TRIO: variants seen among roughly 807,000 people sequenced by gnomAD.
TRIO encodes triple functional domain protein.
Under a neutral mutation model 351.9 loss-of-function variants are expected in TRIO, and 58 were observed. The ratio of observed to expected loss-of-function variants is 0.16; its 90% CI spans 0.13 to 0.21. The LOEUF (loss-of-function observed/expected upper bound fraction) is 0.21. Among genes scored for constraint, TRIO ranks in the 10% least tolerant of loss-of-function variants. The probability of loss-of-function intolerance (pLI) is 1.00; values close to 1 mark genes in which losing one functional copy is unlikely to be tolerated. For synonymous variants in TRIO, 1,758 were observed against 1,595.7 expected, an observed-to-expected ratio of 1.10 and a Z score of -2.42; for missense variants, 3,201 against 4,027.8, an observed-to-expected ratio of 0.79 and a Z score of 5.56.
chr5:14,267,987 A>G (rs1315443786), intron 1 of TRIO, among the ~76,000 whole-genome samples: 1 of 152,274 alleles, frequency 6.6e-6, no homozygotes, highest in Non-Finnish European at 1.5e-5. Flanking sequence ...ATTCTGGTCT[A>G]TGCGTGGGCA....
chr5:14,358,120 G>A lies in TRIO; in HGVS notation c.2047-58G>A, dbSNP rs547030712. On this transcript the variant is annotated intron_variant, in intron 11 of 56. Transcript: ENST00000344204. ...CACTGGGGCCCCTTGGACACCGGGC[G>A]GCCCACCTGGTGGTGCAGCCAGGCC... 529 of 1,555,670 alleles carry A rather than the reference G, an allele frequency of 3.4e-4. 5 individuals are homozygous for A. The African/African-American group carries it at 4.1e-3, about 12-fold the overall frequency.
In TRIO at chr5:14,483,503, G is replaced by A. The variant is rs532169725; in HGVS notation, c.6657+730G>A. On this transcript the variant is annotated intron_variant, in intron 46 of 56. Coordinates refer to ENST00000344204, the MANE Select transcript of TRIO (RefSeq NM_007118.4). ...ATCAGGGACAGGGAACTCTCAGACCGTGCACACCTGCGGGCCTCACAGCAC... is the reference window on the plus strand; with the variant it reads ...ATCAGGGACAGGGAACTCTCAGACCATGCACACCTGCGGGCCTCACAGCAC... Among the ~76,000 whole-genome samples the A allele has an allele frequency of 7.8e-4, 119 of 152,282 alleles. 1 individual carries two copies. Among genetic ancestry groups the A allele is most frequent in the African/African-American group, 2.6e-3 (106 of 41,566 alleles).
At chr5:14,374,544 G>T (rs1189508245) in intron 19 of TRIO, among the ~76,000 whole-genome samples, 1 of 152,164 alleles carries the variant, frequency 6.6e-6, no homozygotes, top group African/African-American at 2.4e-5. Flanking sequence ...TATTGAATAG[G>T]TTGATAATTT....
chr5:14,488,680 A>G (rs1242975538), intron 48 of TRIO: 2 of 549,030 alleles, frequency 3.6e-6, no homozygotes, highest in Non-Finnish European at 6.5e-6. Context: ...TTGCTCTTTT[A>G]TGCCTTAAAT....
Position 14,485,231 on chromosome 5 carries a change from C to G in TRIO, c.6820C>G (p.Arg2274Gly). 1 of 1,577,882 alleles carries G rather than the reference C, an allele frequency of 6.3e-7. No individual in the cohort carries two copies. Among genetic ancestry groups the G allele is most frequent in the Non-Finnish European group, 8.7e-7 (1 of 1,154,796 alleles). The change falls in exon 47 of 57, where the codon CGC (arginine) becomes GGC (glycine). Residue 2274 changes from arginine (R) to glycine (G), a missense_variant. By Grantham distance (125) the Arg-to-Gly change is moderately radical. Around this residue, in one of 19 missense-constraint regions of TRIO, gnomAD observed 1,089 missense variants for 954.9 expected, o/e 1.14. Coordinates refer to ENST00000344204, the MANE Select transcript of TRIO (RefSeq NM_007118.4). ...HEINQILENQRNFLNALTSPI... is the reference protein window; with the variant it reads ...HEINQILENQGNFLNALTSPI... Reference sequence around the variant, plus strand: ...AATCAACCAAATTTTAGAAAACCAGCGCAATTTTTTAAATGGTAATGTGTG... The same window carrying G: ...AATCAACCAAATTTTAGAAAACCAGGGCAATTTTTTAAATGGTAATGTGTG...
At chr5:14,404,820 T>G (rs984017449) in intron 31 of TRIO, among the ~76,000 whole-genome samples, 2 of 152,192 alleles carry the variant, frequency 1.3e-5, no homozygotes, top group African/African-American at 4.8e-5. Context: ...TTAAAACGGT[T>G]TCTGTAGAAA....
At chr5:14,374,791 AAAAT>A (rs1374576893) in intron 19 of TRIO, among the ~76,000 whole-genome samples, 1 of 152,146 alleles carries the variant, frequency 6.6e-6, no homozygotes, top group African/African-American at 2.4e-5. Context: ...AACAAATTGA[AAAAT>A]AATAATATAT....
intron 1 of TRIO, among the ~76,000 whole-genome samples, chr5:14,231,567 T>C (rs1793430512): frequency 6.6e-6 from 1 of 152,190 alleles, no homozygotes; most frequent in Non-Finnish European, 1.5e-5. Flanking sequence ...CTTAGCACGT[T>C]CATTGCTAGG....
chr5:14,324,688 A>G (rs902729247), intron 9 of TRIO, among the ~76,000 whole-genome samples: 10 of 152,180 alleles, frequency 6.6e-5, no homozygotes, highest in Non-Finnish European at 1.5e-4. Context: ...CCGAGCCTCA[A>G]TTTCTTGCTT....
chr5:14,507,023 C>G (rs368417044), intron 55 of TRIO, 99 bp from the exon 56 acceptor site: 2 of 1,429,834 alleles, frequency 1.4e-6, no homozygotes, highest in Non-Finnish European at 1.8e-6. Flanking sequence ...ATGACACATT[C>G]ATAACAGGTG....
chr5:14,405,468 G>A (rs1748623812), intron 31 of TRIO, among the ~76,000 whole-genome samples: 1 of 152,188 alleles, frequency 6.6e-6, no homozygotes, highest in Non-Finnish European at 1.5e-5. Flanking sequence ...GTTTCCTGCT[G>A]GCAGTATGCC....
intron 34 of TRIO, among the ~76,000 whole-genome samples, chr5:14,454,190 A>G (rs999581852): frequency 6.6e-6 from 1 of 152,026 alleles, no homozygotes; most frequent in Non-Finnish European, 1.5e-5. Flanking sequence ...CAGCCTCCCA[A>G]AGTGCTGGGA....
At chr5:14,377,863 A>G in intron 19 of TRIO, 149 bp from the exon 20 acceptor site, 2 of 621,238 alleles carry the variant, frequency 3.2e-6, no homozygotes, top group Middle Eastern at 4.3e-4. Flanking sequence ...AGACATGCTC[A>G]CTGAGACAGG....
At chr5:14,168,699 G>A (rs1056505777) in intron 1 of TRIO, among the ~76,000 whole-genome samples, 11 of 152,160 alleles carry the variant, frequency 7.2e-5, no homozygotes, top group African/African-American at 2.4e-4. Flanking sequence ...TCTTTGACTT[G>A]GTGAGTGCCA....
chr5:14,448,716 A>G (rs1752623050), intron 34 of TRIO, among the ~76,000 whole-genome samples: 1 of 151,848 alleles, frequency 6.6e-6, no homozygotes, highest in Non-Finnish European at 1.5e-5. Context: ...AGCTGGCAGG[A>G]TGTGTGTGTG....
intron 37 of TRIO, among the ~76,000 whole-genome samples, chr5:14,466,804 A>T (rs1754293377): frequency 6.6e-6 from 1 of 152,120 alleles, no homozygotes; most frequent in South Asian, 2.1e-4. Flanking sequence ...AATTTTTAAG[A>T]CTCTAATAAT....
At chr5:14,441,908 C>G (rs1752084444) in intron 34 of TRIO, among the ~76,000 whole-genome samples, 1 of 152,160 alleles carries the variant, frequency 6.6e-6, no homozygotes, top group African/African-American at 2.4e-5. Flanking sequence ...CAGATTCTGG[C>G]TTTATCTGCG....
intron 1 of TRIO, among the ~76,000 whole-genome samples, chr5:14,185,733 T>A (rs1472514807): frequency 6.6e-6 from 1 of 152,214 alleles, no homozygotes; most frequent in Non-Finnish European, 1.5e-5. Context: ...CTTGCCCCTC[T>A]TACAGACGGG....
chr5:14,318,629 T>A (rs1739595177), intron 9 of TRIO, among the ~76,000 whole-genome samples: 1 of 152,198 alleles, frequency 6.6e-6, no homozygotes, highest in African/African-American at 2.4e-5. Context: ...TCCAAGAAGA[T>A]AATTGCCAGA....
Sources: allele counts gnomAD v4.1 joint callset (sites outside exome capture counted in the v4.1 genomes callset), GRCh38; gene constraint gnomAD v4.1.1; regional missense constraint gnomAD v4.1.1; transcripts MANE v1.5; gene names NCBI Gene and HGNC (gene_info 2026-07-23, HGNC 2026-07-21).